Variants in KMT5B observed in about 807,000 individuals in gnomAD.
KMT5B encodes histone-lysine N-methyltransferase KMT5B.
KMT5B carries 10 observed loss-of-function variants against 83.2 expected under a neutral mutation model. That is an observed-to-expected ratio of 0.12 (90% confidence interval 0.07 to 0.20). The LOEUF (loss-of-function observed/expected upper bound fraction) is 0.20, where lower values mean the gene tolerates loss of function less well. Ranked by LOEUF, KMT5B falls within the 10% of genes least tolerant of loss-of-function variation. The probability of loss-of-function intolerance (pLI) is 1.00; values close to 1 mark genes in which losing one functional copy is unlikely to be tolerated. For missense variants in KMT5B, 753 were observed against 1,067.2 expected, an observed-to-expected ratio of 0.71 and a Z score of 4.10; for synonymous variants, 349 against 388.8, an observed-to-expected ratio of 0.90 and a Z score of 1.20.
At position 68,159,112 on chromosome 11, in the gene KMT5B, T is replaced by C; in HGVS notation, c.1234A>G (p.Arg412Gly). The change falls in exon 11 of 11, where the codon AGG (arginine) becomes GGG (glycine). Residue 412 changes from arginine to glycine, a missense_variant. Transcript: ENST00000304363. ...GCTGGAATTCTTGACATAGATTGCC[T>C]CGTTAACGTTCTGCTCTTGCTATTC... ...KKNSKSRTLTRQSMSRIPASS... is the reference protein window; with the variant it reads ...KKNSKSRTLTGQSMSRIPASS... 1 of 1,599,302 alleles carries C rather than the reference T, an allele frequency of 6.3e-7. No homozygotes were observed. The highest frequency in any genetic ancestry group is 8.5e-7 in the Non-Finnish European group (1 of 1,176,520).
chr11:68,185,968 A>G (rs370957167), intron 2 of KMT5B, 40 bp from the exon 3 acceptor site: 1 of 1,548,448 alleles, frequency 6.5e-7, no homozygotes, highest in Non-Finnish European at 8.8e-7. Context: ...TCAAATTGAA[A>G]ACTACTTAAA....
intron 1 of KMT5B, among the ~76,000 whole-genome samples, chr11:68,203,659 A>C (rs1034674097): frequency 2.6e-5 from 4 of 152,202 alleles, no homozygotes; most frequent in African/African-American, 9.7e-5. Flanking sequence ...AACTACCACG[A>C]ATTCACGTTC....
intron 1 of KMT5B, among the ~76,000 whole-genome samples, chr11:68,199,829 T>G (rs1180787158): frequency 6.6e-6 from 1 of 152,148 alleles, no homozygotes; most frequent in Non-Finnish European, 1.5e-5. Flanking sequence ...AAGGTTCCGC[T>G]GATAGTCGGG....
chr11:68,212,702 G>A (rs1413652398), intron 1 of KMT5B: 2 of 152,366 alleles, frequency 1.3e-5, no homozygotes, highest in South Asian at 2.1e-4. Flanking sequence ...GTGGGCTGCA[G>A]GACGAGCTCG....
chr11:68,190,832 A>AGTGAGCCAGGCATAGTGGC (rs1857955952), intron 1 of KMT5B, among the ~76,000 whole-genome samples: 4 of 152,224 alleles, frequency 2.6e-5, no homozygotes, highest in African/African-American at 9.6e-5. Flanking sequence ...AAAATAAAAA[A>AGTGAGCCAGGCATAGTGGC]GTGAGCCAGG....
chr11:68,188,101 T>C (rs1218096393), intron 2 of KMT5B, among the ~76,000 whole-genome samples: 2 of 150,916 alleles, frequency 1.3e-5, no homozygotes, highest in African/African-American at 4.9e-5. Context: ...CTCGGCTCAC[T>C]GCAAGCTCTG....
rs993921562 is a variant in KMT5B at position 68,180,189 on chromosome 11, G to A, written c.320C>T (p.Ser107Leu). Residue 107 changes from serine to leucine, a missense_variant, in exon 4 of 11, where the codon TCG (serine) becomes TTG (leucine). Around this residue, in one of 9 missense-constraint regions of KMT5B, gnomAD observed 71 missense variants for 107.0 expected, o/e 0.66. Coordinates refer to ENST00000304363, the MANE Select transcript of KMT5B (RefSeq NM_017635.5). ...TTTTGAAAAATGCCTTGAGCTCCTC[G>A]AAGGAAAGGCGCTATATAAATGCAA... ...THKMNTSAFP[S>L]RSSRHFSKSD... The A allele has an allele frequency of 5.1e-6, 8 of 1,566,448 alleles. No individual in the cohort carries two copies. Among genetic ancestry groups the A allele is most frequent in the African/African-American group, 4.1e-5 (3 of 73,950 alleles).
At position 68,165,489 on chromosome 11, in the gene KMT5B, C is replaced by T. The variant is rs183949677; in HGVS notation, c.1174+1493G>A. On this transcript the variant is annotated intron_variant, in intron 10 of 10. Coordinates refer to ENST00000304363, the MANE Select transcript of KMT5B (RefSeq NM_017635.5). ...ACTGCACTCCAGCCTGGGGACAGAGCGAGACTCCGTCTCAAAAGAAAAAAA... is the reference window on the plus strand; with the variant it reads ...ACTGCACTCCAGCCTGGGGACAGAGTGAGACTCCGTCTCAAAAGAAAAAAA... Among the ~76,000 whole-genome samples the T allele has an allele frequency of 2.6e-3, 394 of 151,156 alleles. 2 individuals are homozygous for T. Among genetic ancestry groups the T allele is most frequent in the African/African-American group, 9.1e-3 (373 of 41,126 alleles).
At chr11:68,162,870 AAGAC>A (rs1390783799) in intron 10 of KMT5B, among the ~76,000 whole-genome samples, 2 of 152,354 alleles carry the variant, frequency 1.3e-5, no homozygotes, top group South Asian at 4.1e-4. Context: ...AAGGAAAAAA[AAGAC>A]AGGCAAAGAA....
rs1856228053 is a variant in KMT5B at position 68,175,093 on chromosome 11, A to G, written c.468T>C (p.Cys156=). ...GCCGTGCCCATTCGCCTGAAGTCAA[A>G]CATTTGAAGGCTTTCTCCAAGTGTT... The part of the protein sequence containing the change: ...KDEHLEKAFK[C]LTSGEWARHY... Residue 156 remains cysteine (C), a synonymous_variant, in exon 5 of 11, where the codon TGT becomes TGC. Transcript: ENST00000304363. The G allele has an allele frequency of 6.2e-7, 1 of 1,613,956 alleles. No homozygotes were observed. The highest frequency in any genetic ancestry group is 1.3e-5 in the African/African-American group (1 of 74,934).
rs527902007 is a variant in KMT5B at position 68,172,524 on chromosome 11, T to G, written c.654-815A>C. On this transcript the variant is annotated intron_variant, in intron 6 of 10. Transcript: ENST00000304363. ...TGCTGGGATTACAGATGAGCCACCA[T>G]GCCCAGCCAACAATATATTTTAACC... Among the ~76,000 whole-genome samples the G allele has an allele frequency of 3.6e-3, 554 of 152,224 alleles. 4 individuals are homozygous for G. The highest frequency in any genetic ancestry group is 0.013 in the African/African-American group (525 of 41,538).
At position 68,196,869 on chromosome 11, in the gene KMT5B, G is replaced by T. The variant is rs78118154; in HGVS notation, c.-76-6717C>A. On this transcript the variant is annotated intron_variant, in intron 1 of 10. Coordinates refer to ENST00000304363, the MANE Select transcript of KMT5B (RefSeq NM_017635.5). ...TAATCATGGAACAATGTACTTTTAG[G>T]CTTCTCAGGAGTCCTAATATACCTC... is the stretch of plus-strand genomic sequence containing the variant. Among the ~76,000 whole-genome samples the T allele has an allele frequency of 7.2e-5, 11 of 152,240 alleles. No homozygotes were observed. The East Asian group carries it at 2.1e-3, about 29-fold the overall frequency.
At position 68,167,306 on chromosome 11, in the gene KMT5B, A is replaced by G. The variant is rs186545233; in HGVS notation, c.978-128T>C. ...TGCTGAGGCCTTAATCACCACTGGA[A>G]ACCGAAGACTAGAACTCACAAAGGA... is the stretch of plus-strand genomic sequence containing the variant. On this transcript the variant is annotated intron_variant, in intron 9 of 10. Transcript: ENST00000304363. 2.2e-5 allele frequency: 24 copies of G among 1,090,198 alleles called. No individual in the cohort carries two copies. The African/African-American group carries it at 3.6e-4, about 16-fold the overall frequency. 67.5% of individuals were successfully genotyped at this position (1,090,198 alleles called of 1,614,324 possible). A position where few individuals can be genotyped will look rare whatever the true frequency, so the allele number is the denominator to read the frequency against.
At chr11:68,185,380 G>T (rs1025495150) in intron 3 of KMT5B, among the ~76,000 whole-genome samples, 1 of 151,952 alleles carries the variant, frequency 6.6e-6, no homozygotes, top group African/African-American at 2.4e-5. Flanking sequence ...AATTTTTTTT[G>T]TACTTTTAGT....
chr11:68,189,060 A>G (rs1345610286), intron 2 of KMT5B, among the ~76,000 whole-genome samples: 2 of 152,252 alleles, frequency 1.3e-5, no homozygotes, highest in East Asian at 3.8e-4. Context: ...AAAGGTAAGA[A>G]GGAAATCTAT....
intron 2 of KMT5B, among the ~76,000 whole-genome samples, 191 bp from the exon 3 acceptor site, chr11:68,186,119 G>A (rs1165082603): frequency 6.6e-6 from 1 of 152,168 alleles, no homozygotes; most frequent in East Asian, 1.9e-4. Flanking sequence ...CCATTACTGA[G>A]AGTATTATCG....
intron 10 of KMT5B, chr11:68,166,248 G>T: frequency 3.3e-6 from 4 of 1,196,230 alleles, no homozygotes; most frequent in Non-Finnish European, 4.2e-6. Flanking sequence ...CCGCAAACAG[G>T]ATGTGCTTTC....
chr11:68,208,841 CCT>C (rs1413300434), intron 1 of KMT5B, among the ~76,000 whole-genome samples: 2 of 152,092 alleles, frequency 1.3e-5, no homozygotes, highest in African/African-American at 4.8e-5. Flanking sequence ...GCTACAAGAC[CCT>C]GTCTCAAAAA....
chr11:68,161,248 G>A (rs760682441), intron 10 of KMT5B, among the ~76,000 whole-genome samples: 10 of 151,840 alleles, frequency 6.6e-5, no homozygotes, highest in Non-Finnish European at 5.9e-5. Flanking sequence ...GGAACTCTTC[G>A]GCTAAAGGGT....
Sources: allele counts gnomAD v4.1 joint callset (sites outside exome capture counted in the v4.1 genomes callset), GRCh38; gene constraint gnomAD v4.1.1; regional missense constraint gnomAD v4.1.1; transcripts MANE v1.5; gene names NCBI Gene and HGNC (gene_info 2026-07-23, HGNC 2026-07-21).